The following FAM81A variants were observed in gnomAD, a reference collection of about 807,000 sequenced individuals.
The protein encoded by FAM81A is protein FAM81A.
Under a neutral mutation model 46.7 loss-of-function variants are expected in FAM81A, and 19 were observed. That is an observed-to-expected ratio of 0.41 (90% CI 0.28 to 0.60). FAM81A has a LOEUF of 0.60. Ranked by LOEUF, FAM81A falls within the 20% of genes least tolerant of loss-of-function variation. FAM81A has a pLI of 0.34. For synonymous variants in FAM81A, 183 were observed against 152.9 expected (o/e 1.20, Z -1.45); for missense variants, 377 against 453.5 (o/e 0.83, Z 1.53).
At chr15:59,403,008 A>G (rs2081078725) in intron 2 of FAM81A, among the ~76,000 whole-genome samples, 1 of 151,954 alleles carries the variant, frequency 6.6e-6, no homozygotes, top group African/African-American at 2.4e-5. Flanking sequence ...CTAGTGGGTT[A>G]TTGCCGATGT....
chr15:59,410,044 G>A (rs185074288), intron 2 of FAM81A, among the ~76,000 whole-genome samples: 24,872 of 152,148 alleles, frequency 0.16, 2,470 homozygotes, highest in Non-Finnish European at 0.22. Flanking sequence ...GCTCACGGCT[G>A]TAATCCCAAA....
upstream of FAM81A, among the ~76,000 whole-genome samples, chr15:59,436,267 G>A (rs2141570744): frequency 6.6e-6 from 1 of 152,212 alleles, no homozygotes; most frequent in African/African-American, 2.4e-5. Context: ...GTTCAGTTTT[G>A]ATGGCCAGAA....
chr15:59,431,434 C>A (rs1417464188), intron 2 of FAM81A, among the ~76,000 whole-genome samples: 1 of 151,990 alleles, frequency 6.6e-6, no homozygotes, highest in East Asian at 1.9e-4. Flanking sequence ...GGGGTTTCAC[C>A]ATGTTGGTCA....
chr15:59,458,576 C>G lies in FAM81A; in HGVS notation c.-51C>G. The stretch of plus-strand genomic sequence containing the variant: ...TGTGAATTATTAAAAAGAAAATGGC[C>G]CAACGGAGCACTGTATTTCCTTCTC... On this transcript the variant is annotated 5_prime_UTR_variant, in exon 2 of 9. Transcript: ENST00000288228. The G allele has an allele frequency of 1.2e-6, 2 of 1,612,622 alleles. No homozygotes were observed. Among genetic ancestry groups the G allele is most frequent in the South Asian group, 1.1e-5 (1 of 90,762 alleles).
In FAM81A at chr15:59,460,988, G is replaced by C. The variant is rs2081544756; in HGVS notation, c.294+782G>C. Reference sequence around the variant, plus strand: ...CTCATTTCTTTTTTTTCCATTGTCAGATTTGTATGTATGTATTTATTTTAA... The same window carrying C: ...CTCATTTCTTTTTTTTCCATTGTCACATTTGTATGTATGTATTTATTTTAA... On this transcript the variant is annotated intron_variant, in intron 3 of 8. Transcript: ENST00000288228. This position sits in a 1 kb window ranked among gnomAD's most constrained non-coding sequence, Gnocchi z 4.4. Among the ~76,000 whole-genome samples, 1 of 152,046 alleles carries C rather than the reference G, an allele frequency of 6.6e-6. No homozygotes were observed. Among genetic ancestry groups the C allele is most frequent in the African/African-American group, 2.4e-5 (1 of 41,394 alleles).
chr15:59,399,061 C>G (rs1009945017), intron 1 of FAM81A, among the ~76,000 whole-genome samples: 1 of 151,954 alleles, frequency 6.6e-6, no homozygotes, highest in Non-Finnish European at 1.5e-5. Flanking sequence ...CCCAGCTACT[C>G]GGTAGGCTGA....
At chr15:59,408,685 TG>T (rs1219079477) in intron 2 of FAM81A, among the ~76,000 whole-genome samples, 3 of 152,070 alleles carry the variant, frequency 2.0e-5, no homozygotes, top group Non-Finnish European at 4.4e-5. Context: ...AAAAATGAGC[TG>T]GGCATGGTGG....
intron 3 of FAM81A, among the ~76,000 whole-genome samples, chr15:59,488,555 A>T (rs1241088320): frequency 2.6e-5 from 4 of 152,254 alleles, no homozygotes; most frequent in Non-Finnish European, 5.9e-5. Context: ...TAGTACTGAT[A>T]AACAAATTCA....
intron 2 of FAM81A, among the ~76,000 whole-genome samples, chr15:59,413,054 C>A (rs575455843): frequency 6.6e-6 from 1 of 152,152 alleles, no homozygotes; most frequent in Non-Finnish European, 1.5e-5. Context: ...TTTTGTTATA[C>A]GTGCAGCTCC....
chr15:59,453,454 G>A (rs1425495892), intron 1 of FAM81A, among the ~76,000 whole-genome samples: 3 of 152,134 alleles, frequency 2.0e-5, no homozygotes, highest in Non-Finnish European at 2.9e-5. Context: ...GTTACGTTAC[G>A]TGTGAGCAGC....
In FAM81A at chr15:59,514,323, ATAT is replaced by A; in HGVS notation, c.689_691del (p.Leu230del). On this transcript the variant is annotated inframe_deletion, in exon 7 of 9. Transcript: ENST00000288228. ...TACAGTTGAGGAACTCAGTAACCAG[ATAT>A]TATCTGCACGGAGTTGGTTGCAACA... is the stretch of plus-strand genomic sequence containing the variant. 2 of 1,612,808 alleles carry A rather than the reference ATAT, an allele frequency of 1.2e-6. No homozygotes were observed. The highest frequency in any genetic ancestry group is 1.7e-6 in the Non-Finnish European group (2 of 1,179,406).
intron 6 of FAM81A, among the ~76,000 whole-genome samples, chr15:59,513,493 G>A (rs771475520): frequency 1.5e-4 from 23 of 152,144 alleles, no homozygotes; most frequent in Admixed American, 4.6e-4. Flanking sequence ...ACTCCTCGTG[G>A]GTAGGAAGCA....
At chr15:59,521,150 T>C in intron 8 of FAM81A, 104 bp from the exon 9 acceptor site, 1 of 1,270,106 alleles carries the variant, frequency 7.9e-7, no homozygotes, top group Non-Finnish European at 1.1e-6. Flanking sequence ...TTTTAGCATC[T>C]ATTAATAATT....
At chr15:59,512,858 A>AC (rs2082227313) in intron 6 of FAM81A, among the ~76,000 whole-genome samples, 1 of 152,136 alleles carries the variant, frequency 6.6e-6, no homozygotes, top group African/African-American at 2.4e-5. Flanking sequence ...TAAAGATAGG[A>AC]CTGGAAAGGC....
chr15:59,424,809 A>G (rs1232159605), intron 2 of FAM81A, among the ~76,000 whole-genome samples: 1 of 152,128 alleles, frequency 6.6e-6, no homozygotes, highest in Admixed American at 6.5e-5. Context: ...AATCCAAGCC[A>G]CTGTCATACC....
chr15:59,468,679 AT>A (rs1379746303), intron 3 of FAM81A, among the ~76,000 whole-genome samples: 1 of 144,746 alleles, frequency 6.9e-6, no homozygotes, highest in Admixed American at 6.9e-5. Context: ...GGATTCATTG[AT>A]TTTTTTGAAG....
At chr15:59,412,730 G>A (rs1387904773) in intron 2 of FAM81A, among the ~76,000 whole-genome samples, 1 of 107,002 alleles carries the variant, frequency 9.3e-6, no homozygotes. Flanking sequence ...AAAAAAAAAA[G>A]GTGTTACGGT....
At chr15:59,434,065 G>A (rs1380740705), upstream of FAM81A, among the ~76,000 whole-genome samples, 17 of 152,184 alleles carry the variant, frequency 1.1e-4, no homozygotes, top group African/African-American at 2.4e-5. Context: ...ATGTTGGCCA[G>A]GCTGGTCTTG....
At chr15:59,487,099 A>C (rs1465138766) in intron 3 of FAM81A, among the ~76,000 whole-genome samples, 2 of 150,390 alleles carry the variant, frequency 1.3e-5, no homozygotes, top group African/African-American at 4.9e-5. Context: ...CAGTACAATA[A>C]GATATGAATA....
Sources: gnomAD v4.1 joint callset for allele counts (sites outside exome capture counted in the v4.1 genomes callset) on GRCh38, gnomAD v4.1.1 for gene constraint, Gnocchi (gnomAD v3.1) non-coding constraint, MANE v1.5 for transcripts, NCBI Gene and HGNC (gene_info 2026-07-23, HGNC 2026-07-21) for gene names.